Variants in CRYM observed in about 807,000 individuals in gnomAD.
The protein encoded by CRYM is crystallin mu, also known as ketimine reductase mu-crystallin.
Under a neutral mutation model 32.9 loss-of-function variants are expected in CRYM, and 18 were observed. That is an observed-to-expected ratio of 0.55 (90% CI 0.38 to 0.81). The LOEUF (loss-of-function observed/expected upper bound fraction) is 0.81, where lower values mean the gene tolerates loss of function less well. Ranked by LOEUF, CRYM falls within the 30% of genes least tolerant of loss-of-function variation. The pLI, the probability that CRYM is intolerant of heterozygous loss-of-function variation, is 0.00. For synonymous variants in CRYM, 153 were observed against 152.4 expected (o/e 1.00, Z -0.03); for missense variants, 337 against 393.5 (o/e 0.86, Z 1.21).
chr16:21,267,792 A>C (rs1443388904), intron 4 of CRYM, 55 bp from the exon 5 acceptor site: 11 of 1,582,142 alleles, frequency 7.0e-6, no homozygotes, highest in Non-Finnish European at 9.6e-6. Context: ...TGCTTATGTT[A>C]CACTGAGCCC....
intron 1 of CRYM, among the ~76,000 whole-genome samples, chr16:21,295,689 T>G (rs1206720357): frequency 6.6e-6 from 1 of 152,186 alleles, no homozygotes; most frequent in East Asian, 1.9e-4. Context: ...TCTCAGCACT[T>G]TGGGAGGCCG....
chr16:21,268,293 G>A (rs780792645), intron 4 of CRYM, among the ~76,000 whole-genome samples: 2 of 152,176 alleles, frequency 1.3e-5, no homozygotes, highest in South Asian at 4.1e-4. Flanking sequence ...TAACTTGATC[G>A]GTGAAGAATA....
intron 3 of CRYM, among the ~76,000 whole-genome samples, chr16:21,271,680 C>A (rs895387602): frequency 6.6e-6 from 1 of 152,004 alleles, no homozygotes; most frequent in Non-Finnish European, 1.5e-5. Context: ...TTAATTGTTA[C>A]CATTTTCTTC....
rs1359820485 is a variant in CRYM, at chr16:21,277,512, C to T, written c.243G>A (p.Glu81=). 1 of 1,613,924 alleles carries T rather than the reference C, an allele frequency of 6.2e-7. No individual in the cohort carries two copies. The highest frequency in any genetic ancestry group is 8.5e-7 in the Non-Finnish European group (1 of 1,179,978). ...ALTTKLVTFY[E]DRGITSVVPS... ...GGACGACCGAGGTGATGCCGCGGTC[C>T]TCGTAGAAGGTGACCAACTTGGTGG... is the stretch of plus-strand genomic sequence containing the variant. The change falls in exon 2 of 8, where the codon GAG becomes GAA. Residue 81 remains glutamate, a synonymous_variant. Transcript: ENST00000572914. The surrounding 1 kb of genome is among the most constrained non-coding windows in gnomAD (Gnocchi z 4.2).
At chr16:21,298,962 A>G (rs1784672736) in intron 1 of CRYM, among the ~76,000 whole-genome samples, 1 of 152,198 alleles carries the variant, frequency 6.6e-6, no homozygotes, top group Admixed American at 6.5e-5. Flanking sequence ...GTAAATACAA[A>G]TGTTTATTCT....
upstream of CRYM, chr16:21,278,297 C>T: frequency 6.4e-7 from 1 of 1,550,962 alleles, no homozygotes; most frequent in Non-Finnish European, 8.7e-7. Context: ...CCGCGATCCA[C>T]GTACCCTCGG....
In CRYM at chr16:21,258,825, CTG is replaced by C; in HGVS notation, c.899_900del (p.Thr300SerfsTer8). The C allele has an allele frequency of 6.2e-7, 1 of 1,614,154 alleles. No individual in the cohort carries two copies. Among genetic ancestry groups the C allele is most frequent in the Non-Finnish European group, 8.5e-7 (1 of 1,180,014 alleles). ...FKSLGMAVEDTVAAKLIYDSW... is the reference protein window; with the variant it reads ...FKSLGMAVEDXVAAKLIYDSW... Reference sequence around the variant, plus strand: ...GAATCATAGATGAGTTTGGCTGCAACTGTGTCTTCCACTGCCATTCCTAGAAT... The same window carrying C: ...GAATCATAGATGAGTTTGGCTGCAACTGTCTTCCACTGCCATTCCTAGAAT... On this transcript the variant is annotated frameshift_variant, in exon 8 of 8. Transcript: ENST00000572914. LOFTEE classifies it high-confidence loss of function.
chr16:21,267,296 C>T (rs1454626751), intron 5 of CRYM, among the ~76,000 whole-genome samples: 2 of 152,050 alleles, frequency 1.3e-5, no homozygotes, highest in African/African-American at 4.8e-5. Context: ...CGGGGTTTTG[C>T]CATGTTGACC....
At position 21,265,721 on chromosome 16, in the gene CRYM, C is replaced by T. The variant is rs548380186; in HGVS notation, c.673+1833G>A. On this transcript the variant is annotated intron_variant, in intron 5 of 7. Transcript: ENST00000572914. ...TGGCTCTCGCCGGCTCATCTGCCCA[C>T]GTGTGCAAAGCTCTTAGCTTCTGAG... 7.9e-5 allele frequency among the ~76,000 whole-genome samples: 12 copies of T among 152,340 alleles called. No individual in the cohort carries two copies. The South Asian group carries it at 1.7e-3, about 21-fold the overall frequency.
intron 2 of CRYM, among the ~76,000 whole-genome samples, chr16:21,276,299 C>A (rs2093386274): frequency 6.6e-6 from 1 of 152,170 alleles, no homozygotes; most frequent in African/African-American, 2.4e-5. Flanking sequence ...CATCTAGTTT[C>A]AAAGCCTTGG....
At chr16:21,267,877 C>G (rs1457233954) in intron 4 of CRYM, 140 bp from the exon 5 acceptor site, 2 of 812,342 alleles carry the variant, frequency 2.5e-6, no homozygotes, top group African/African-American at 1.7e-5. Context: ...AAATCATTCC[C>G]CATGGAGAAT....
Position 21,277,661 on chromosome 16 carries a change from C to T in CRYM, c.171-77G>A. On this transcript the variant is annotated intron_variant, in intron 1 of 7. Transcript: ENST00000572914. This position sits in a 1 kb window ranked among gnomAD's most constrained non-coding sequence, Gnocchi z 4.2. Reference sequence around the variant, plus strand: ...TCTTAGAAAGTATCCATATACTTTCCTTTTTCTTTCCTTCCTCACCACCCC... The same window carrying T: ...TCTTAGAAAGTATCCATATACTTTCTTTTTTCTTTCCTTCCTCACCACCCC... 1 of 1,542,780 alleles carries T rather than the reference C, an allele frequency of 6.5e-7. No individual in the cohort carries two copies. The highest frequency in any genetic ancestry group is 8.9e-7 in the Non-Finnish European group (1 of 1,128,720).
chr16:21,290,304 G>A (rs531999870), intron 1 of CRYM, among the ~76,000 whole-genome samples: 69 of 152,222 alleles, frequency 4.5e-4, no homozygotes, highest in African/African-American at 1.6e-3. Context: ...GTGAGACCAC[G>A]AACCCACCGG....
intron 7 of CRYM, chr16:21,261,028 C>A (rs2093353333): frequency 1.6e-6 from 1 of 606,864 alleles, no homozygotes; most frequent in Non-Finnish European, 3.0e-6. Context: ...GATCACTTGC[C>A]TAAGGACACC....
At chr16:21,262,296 GCTCT>G in intron 5 of CRYM, 138 bp from the exon 6 acceptor site, 1 of 1,041,534 alleles carries the variant, frequency 9.6e-7, no homozygotes, top group Non-Finnish European at 1.5e-6. Context: ...CCCAGGCCAT[GCTCT>G]CCCAATCAGT....
At chr16:21,258,909 C>A (rs1567230079) in intron 7 of CRYM, 64 bp from the exon 8 acceptor site, 1 of 1,399,224 alleles carries the variant, frequency 7.1e-7, no homozygotes, top group Non-Finnish European at 1.0e-6. Flanking sequence ...CAACCCAGGC[C>A]CCATGGCTGG....
chr16:21,278,204 G>A lies in CRYM; in HGVS notation c.48C>T (p.His16=). 1 of 1,559,816 alleles carries A rather than the reference G, an allele frequency of 6.4e-7. No homozygotes were observed. Among genetic ancestry groups the A allele is most frequent in the Non-Finnish European group, 8.7e-7 (1 of 1,153,562 alleles). Residue 16 remains histidine, a synonymous_variant, in exon 1 of 8, where the codon CAC becomes CAT. Coordinates refer to ENST00000572914, the MANE Select transcript of CRYM (RefSeq NM_001376256.1). ...AFLSAAEVEE[H]LRSSSLLIPP... ...GGATGAGGAGGCTGGAGCTGCGGAG[G>A]TGTTCCTCCACCTCGGCCGCGCTCA...
At chr16:21,262,357 C>T (rs1035428856) in intron 5 of CRYM, 199 bp from the exon 6 acceptor site, 49 of 542,964 alleles carry the variant, frequency 9.0e-5, no homozygotes, top group African/African-American at 8.2e-4. Flanking sequence ...GTGGCTCACA[C>T]CTGTAATCCC....
chr16:21,270,346 C>T (rs959433692), intron 3 of CRYM, among the ~76,000 whole-genome samples: 8 of 151,852 alleles, frequency 5.3e-5, no homozygotes, highest in Non-Finnish European at 1.0e-4. Flanking sequence ...TGCAGTGGCA[C>T]GATCTTGGCT....
Sources: gnomAD v4.1 joint callset for allele counts (sites outside exome capture counted in the v4.1 genomes callset) on GRCh38, gnomAD v4.1.1 for gene constraint, Gnocchi (gnomAD v3.1) non-coding constraint, MANE v1.5 for transcripts, NCBI Gene and HGNC (gene_info 2026-07-23, HGNC 2026-07-21) for gene names.